The following TTBK2 variants were observed in gnomAD, a reference collection of about 807,000 sequenced individuals.
TTBK2 encodes the protein tau tubulin kinase 2, also known as tau-tubulin kinase 2.
A neutral mutation model predicts 110.8 loss-of-function variants in TTBK2; 28 were observed. The observed-to-expected ratio is 0.25, with a 90% CI of 0.19 to 0.35. The LOEUF (loss-of-function observed/expected upper bound fraction) is 0.35. TTBK2 is among the 10% of genes least tolerant of loss of function. The probability of loss-of-function intolerance (pLI) is 1.00; values close to 1 mark genes in which losing one functional copy is unlikely to be tolerated. For missense variants in TTBK2, 1,369 were observed against 1,500.3 expected, an observed-to-expected ratio of 0.91 and a Z score of 1.45; for synonymous variants, 532 against 527.3, an observed-to-expected ratio of 1.01 and a Z score of -0.12.
intron 4 of TTBK2, among the ~76,000 whole-genome samples, chr15:42,838,335 AG>A (rs1893078722): frequency 6.6e-6 from 1 of 151,982 alleles, no homozygotes; most frequent in Admixed American, 6.6e-5. Flanking sequence ...TTAAACTTTG[AG>A]GGTGACTATA....
intron 6 of TTBK2, among the ~76,000 whole-genome samples, chr15:42,819,534 T>A (rs1396846854): frequency 1.3e-5 from 2 of 152,230 alleles, no homozygotes; most frequent in African/African-American, 4.8e-5. Context: ...TTAAGACAAC[T>A]ATTTTAAAAT....
At chr15:42,755,906 C>A (rs2140623867) in intron 13 of TTBK2, among the ~76,000 whole-genome samples, 1 of 152,084 alleles carries the variant, frequency 6.6e-6, no homozygotes, top group East Asian at 1.9e-4. Flanking sequence ...AACCTATATT[C>A]AAAATCGGGC....
chr15:42,786,133 GAAAAA>G (rs11299124), intron 10 of TTBK2, among the ~76,000 whole-genome samples: 2 of 150,288 alleles, frequency 1.3e-5, no homozygotes, highest in South Asian at 2.1e-4. Flanking sequence ...AAAAAAGAAA[GAAAAA>G]AAAAAAAACT....
chr15:42,849,601 C>A (rs189926173), intron 3 of TTBK2, among the ~76,000 whole-genome samples: 63 of 152,202 alleles, frequency 4.1e-4, no homozygotes, highest in African/African-American at 1.4e-3. Flanking sequence ...GGTATTTTTG[C>A]TTTAGCCAGT....
intron 7 of TTBK2, 135 bp downstream of exon 7, chr15:42,816,897 C>T (rs986530279): frequency 9.1e-5 from 38 of 419,170 alleles, no homozygotes; most frequent in Middle Eastern, 1.1e-3. Context: ...CCAGCCCGGG[C>T]GACAGTGCAA....
Position 42,741,164 on chromosome 15 carries a change from G to C in TTBK2, c.*4631C>G, listed in dbSNP as rs548995642. On this transcript the variant is annotated 3_prime_UTR_variant, in exon 15 of 15. Transcript: ENST00000267890. ...AAATATTGAGAATACTCAATGATAG[G>C]ATGAGTTTCCACTCTACTTCCTTAT... is the stretch of plus-strand genomic sequence containing the variant. 6.6e-6 allele frequency: 1 copy of C among 152,296 alleles called. No homozygotes were observed. The highest frequency in any genetic ancestry group is 2.4e-5 in the African/African-American group (1 of 41,572). The allele number at this position is 152,296 out of a possible 1,614,324, so 9.4% of individuals were successfully genotyped here. A position where few individuals can be genotyped will look rare whatever the true frequency, so the allele number is the denominator to read the frequency against.
At chr15:42,813,738 C>T (rs1335108131) in intron 7 of TTBK2, among the ~76,000 whole-genome samples, 4 of 149,900 alleles carry the variant, frequency 2.7e-5, no homozygotes, top group East Asian at 2.0e-4. Flanking sequence ...CCCAGCTACT[C>T]GGGAGGCTGA....
rs532381232 is a variant in TTBK2 at position 42,901,652 on chromosome 15, A to T, written c.-68+18786T>A. Among the ~76,000 whole-genome samples, 111 of 152,046 alleles carry T rather than the reference A, an allele frequency of 7.3e-4. 3 individuals are homozygous for T. The South Asian group carries it at 0.023, about 32-fold the overall frequency. On this transcript the variant is annotated intron_variant, in intron 1 of 14. Transcript: ENST00000267890. ...AAAAGAATTTAATTAAAAAAAATTT[A>T]AAACTTTTGTGCATCAAAGAATACT...
chr15:42,872,415 T>G (rs918286116), intron 3 of TTBK2, among the ~76,000 whole-genome samples, 196 bp downstream of exon 3: 6 of 152,180 alleles, frequency 3.9e-5, no homozygotes, highest in African/African-American at 1.4e-4. Flanking sequence ...GCCCAATTAT[T>G]CTAAGTAATT....
At chr15:42,918,242 T>A (rs1328592168) in intron 1 of TTBK2, among the ~76,000 whole-genome samples, 14 of 152,082 alleles carry the variant, frequency 9.2e-5, no homozygotes, top group Admixed American at 9.2e-4. Flanking sequence ...TTTTTGTTTG[T>A]TTTTTGTAGA....
At chr15:42,765,489 G>A (rs559447012) in intron 13 of TTBK2, among the ~76,000 whole-genome samples, 42 of 152,268 alleles carry the variant, frequency 2.8e-4, no homozygotes, top group African/African-American at 4.8e-4. Flanking sequence ...TTCAGTAGCC[G>A]ATTCTATCAT....
chr15:42,817,087 A>G lies in TTBK2; in HGVS notation c.548T>C (p.Val183Ala). The G allele has an allele frequency of 6.2e-7, 1 of 1,608,188 alleles. No individual in the cohort carries two copies. ...ACGAACTGTCCCTCGAAAACCTGCCACAGCTCGAGGCTACAACGAAGCCAT... is the reference window on the plus strand; with the variant it reads ...ACGAACTGTCCCTCGAAAACCTGCCGCAGCTCGAGGCTACAACGAAGCCAT... ...SCGDVRPPRA[V>A]AGFRGTVRYA... is the part of the protein sequence containing the mutation. Residue 183 changes from valine (V) to alanine (A), a missense_variant, in exon 7 of 15, where the codon GTG becomes GCG. Physicochemically the swap from Val to Ala is moderately conservative, Grantham distance 64. Coordinates refer to ENST00000267890, the MANE Select transcript of TTBK2 (RefSeq NM_173500.4).
At chr15:42,863,933 A>C (rs1459824989) in intron 3 of TTBK2, among the ~76,000 whole-genome samples, 2 of 152,252 alleles carry the variant, frequency 1.3e-5, no homozygotes, top group Non-Finnish European at 1.5e-5. Context: ...AAATTAACTC[A>C]AGATGAATTA....
intron 3 of TTBK2, among the ~76,000 whole-genome samples, chr15:42,851,669 T>C (rs562677216): frequency 2.0e-5 from 3 of 152,200 alleles, no homozygotes; most frequent in African/African-American, 4.8e-5. Flanking sequence ...ATTTTAGATA[T>C]ATGATTTTCT....
chr15:42,869,791 G>A (rs768736859), intron 3 of TTBK2, among the ~76,000 whole-genome samples: 9 of 152,074 alleles, frequency 5.9e-5, no homozygotes, highest in Non-Finnish European at 1.3e-4. Flanking sequence ...TAATAATAAG[G>A]TATAGAAGTA....
intron 3 of TTBK2, among the ~76,000 whole-genome samples, chr15:42,868,064 T>C (rs1894452375): frequency 6.6e-6 from 1 of 152,154 alleles, no homozygotes; most frequent in Non-Finnish European, 1.5e-5. Context: ...ATATGACACC[T>C]GGAGAAGGTA....
chr15:42,852,693 G>A (rs1298888026), intron 3 of TTBK2, among the ~76,000 whole-genome samples: 4 of 152,008 alleles, frequency 2.6e-5, no homozygotes, highest in South Asian at 2.1e-4. Flanking sequence ...ATGAGTAAAC[G>A]AATCCTCAAG....
intron 6 of TTBK2, among the ~76,000 whole-genome samples, chr15:42,823,204 T>TA (rs1314122088): frequency 2.0e-5 from 3 of 152,146 alleles, no homozygotes; most frequent in African/African-American, 7.2e-5. Context: ...TCCAAGAGCT[T>TA]AGACACAAAG....
At position 42,752,722 on chromosome 15, in the gene TTBK2, CATT is replaced by C; in HGVS notation, c.2521_2523del (p.Asn841del). On this transcript the variant is annotated inframe_deletion, in exon 14 of 15. Transcript: ENST00000267890. ...CCAACTGTCAGAAGCTTCATTATCT[CATT>C]ATTTTTGTCTTGATTTGGCACCACA... is the stretch of plus-strand genomic sequence containing the variant. 1 of 1,614,006 alleles carries C rather than the reference CATT, an allele frequency of 6.2e-7. No homozygotes were observed. Among genetic ancestry groups the C allele is most frequent in the East Asian group, 2.2e-5 (1 of 44,896 alleles).
Sources: gnomAD v4.1 joint callset for allele counts (sites outside exome capture counted in the v4.1 genomes callset) on GRCh38, gnomAD v4.1.1 for gene constraint, MANE v1.5 for transcripts, NCBI Gene and HGNC (gene_info 2026-07-23, HGNC 2026-07-21) for gene names.